Variants in CELF4 observed in about 807,000 individuals in gnomAD.
The protein encoded by CELF4 is CUGBP Elav-like family member 4.
CELF4 carries 18 observed loss-of-function variants against 59.9 expected under a neutral mutation model. The observed-to-expected ratio is 0.30, with a 90% CI of 0.21 to 0.45. The LOEUF (loss-of-function observed/expected upper bound fraction) is 0.45, where lower values mean the gene tolerates loss of function less well. Among genes scored for constraint, CELF4 ranks in the 20% least tolerant of loss-of-function variants. The probability of loss-of-function intolerance (pLI) is 1.00; values close to 1 mark genes in which losing one functional copy is unlikely to be tolerated. For synonymous variants in CELF4, 261 were observed against 267.1 expected (o/e 0.98, Z 0.22); for missense variants, 456 against 689.0 (o/e 0.66, Z 3.79).
At chr18:37,471,799 G>C (rs1020639338) in intron 2 of CELF4, among the ~76,000 whole-genome samples, 1 of 152,172 alleles carries the variant, frequency 6.6e-6, no homozygotes, top group Non-Finnish European at 1.5e-5. Context: ...GCTCCTGGTG[G>C]GTGCTCAGGA....
intron 3 of CELF4, among the ~76,000 whole-genome samples, chr18:37,309,967 A>G (rs1324644733): frequency 7.9e-5 from 12 of 151,170 alleles, no homozygotes; most frequent in Non-Finnish European, 1.8e-4. Flanking sequence ...CTGGCAATTC[A>G]CATGCTCAAT....
rs115857622 is a variant in CELF4, at chr18:37,401,703, G to A, written c.370-79822C>T. Among the ~76,000 whole-genome samples the A allele has an allele frequency of 4.2e-3, 645 of 152,314 alleles. 4 individuals are homozygous for A. The highest frequency in any genetic ancestry group is 0.014 in the African/African-American group (591 of 41,556). On this transcript the variant is annotated intron_variant, in intron 2 of 12. Coordinates refer to ENST00000420428, the MANE Select transcript of CELF4 (RefSeq NM_020180.4). Reference sequence around the variant, plus strand: ...CTGAGACTTCCCTGACACCAGCCATGAGCCAGAAATCCTTCAGCCTTTAGC... The same window carrying A: ...CTGAGACTTCCCTGACACCAGCCATAAGCCAGAAATCCTTCAGCCTTTAGC...
intron 2 of CELF4, among the ~76,000 whole-genome samples, chr18:37,324,331 G>A (rs985912533): frequency 3.9e-5 from 6 of 152,182 alleles, no homozygotes; most frequent in African/African-American, 1.2e-4. Context: ...AGTTATAAGA[G>A]TAGGGCCCTC....
Position 37,516,415 on chromosome 18 carries a change from T to C in CELF4, c.287-30808A>G, listed in dbSNP as rs181819374. ...GTCCTCACTAACTCTGCTGTCCCCA[T>C]GCCAACACTAGCCTGGCTCCTGGCC... is the stretch of plus-strand genomic sequence containing the variant. On this transcript the variant is annotated intron_variant, in intron 1 of 12. Transcript: ENST00000420428. Among the ~76,000 whole-genome samples the C allele has an allele frequency of 2.7e-3, 418 of 152,312 alleles. 3 individuals carry two copies. Among genetic ancestry groups the C allele is most frequent in the African/African-American group, 9.8e-3 (408 of 41,570 alleles).
chr18:37,324,451 G>A (rs2097229088), intron 2 of CELF4, among the ~76,000 whole-genome samples: 2 of 152,198 alleles, frequency 1.3e-5, no homozygotes, highest in Admixed American at 1.3e-4. Flanking sequence ...TTCAAGCCAG[G>A]AAGAGAGCCC....
chr18:37,563,635 G>T (rs188004171), intron 1 of CELF4, among the ~76,000 whole-genome samples: 7 of 151,960 alleles, frequency 4.6e-5, no homozygotes, highest in Non-Finnish European at 1.0e-4. Flanking sequence ...CTGCCTCCCC[G>T]TTCCACCTTT....
At chr18:37,261,787 T>C (rs77300042) in intron 10 of CELF4, among the ~76,000 whole-genome samples, 4,738 of 152,314 alleles carry the variant, frequency 0.031, 255 homozygotes, top group African/African-American at 0.11. Context: ...AGATGGCCTC[T>C]GGGGAATTCA....
At chr18:37,339,167 A>C (rs2097898128) in intron 2 of CELF4, among the ~76,000 whole-genome samples, 1 of 152,172 alleles carries the variant, frequency 6.6e-6, no homozygotes, top group Non-Finnish European at 1.5e-5. Context: ...TCTCCTGCAC[A>C]CCCCAAGTTA....
chr18:37,493,627 C>T (rs1003062167), intron 1 of CELF4, among the ~76,000 whole-genome samples: 4 of 150,978 alleles, frequency 2.6e-5, no homozygotes, highest in Non-Finnish European at 4.4e-5. Context: ...AGGAGCCATA[C>T]GTCTTCCTCA....
intron 9 of CELF4, chr18:37,266,292 A>G (rs902955920): frequency 8.3e-5 from 49 of 592,972 alleles, no homozygotes; most frequent in Non-Finnish European, 1.4e-4. Flanking sequence ...CAAGGGTGAA[A>G]CTTCCACCTG....
chr18:37,476,188 A>G (rs1052877470), intron 2 of CELF4, among the ~76,000 whole-genome samples: 2 of 152,240 alleles, frequency 1.3e-5, no homozygotes, highest in Non-Finnish European at 2.9e-5. Context: ...TAGGGAACTC[A>G]GACCTGGAAA....
At chr18:37,279,605 T>C (rs1339145485) in intron 3 of CELF4, among the ~76,000 whole-genome samples, 2 of 152,116 alleles carry the variant, frequency 1.3e-5, no homozygotes, top group African/African-American at 4.8e-5. Context: ...GCTTCTACAG[T>C]GGTAAACAAG....
At chr18:37,311,840 G>A (rs550718714) in intron 3 of CELF4, among the ~76,000 whole-genome samples, 5 of 148,130 alleles carry the variant, frequency 3.4e-5, no homozygotes, top group Admixed American at 2.0e-4. Flanking sequence ...GTCCGGGCGC[G>A]GTGGCTTATG....
intron 2 of CELF4, among the ~76,000 whole-genome samples, chr18:37,461,945 G>A (rs1490110233): frequency 6.6e-6 from 1 of 152,192 alleles, no homozygotes; most frequent in Admixed American, 6.5e-5. Context: ...AGGCATGATT[G>A]GGGGAAAATG....
chr18:37,558,661 AAAG>A (rs1374205079), intron 1 of CELF4, among the ~76,000 whole-genome samples: 1 of 151,920 alleles, frequency 6.6e-6, no homozygotes, highest in Non-Finnish European at 1.5e-5. Context: ...GCCTGCAGGA[AAAG>A]AAGAGGTGAA....
At chr18:37,397,464 G>A (rs1158824236) in intron 2 of CELF4, among the ~76,000 whole-genome samples, 1 of 152,174 alleles carries the variant, frequency 6.6e-6, no homozygotes, top group Admixed American at 6.5e-5. Flanking sequence ...GACCATCTGG[G>A]TAGCTCCAGG....
At chr18:37,507,367 CTG>C (rs1288713143) in intron 1 of CELF4, among the ~76,000 whole-genome samples, 1 of 152,198 alleles carries the variant, frequency 6.6e-6, no homozygotes, top group Non-Finnish European at 1.5e-5. Flanking sequence ...TCACCTCTCT[CTG>C]TGCATGTTCT....
chr18:37,321,565 TTTA>T (rs2097119268), intron 3 of CELF4, among the ~76,000 whole-genome samples: 1 of 152,130 alleles, frequency 6.6e-6, no homozygotes, highest in South Asian at 2.1e-4. Context: ...ATGGCACTTG[TTTA>T]CTCAGAGACG....
chr18:37,261,247 A>T (rs1189213245), intron 10 of CELF4, among the ~76,000 whole-genome samples: 2 of 26,066 alleles, frequency 7.7e-5, no homozygotes. Flanking sequence ...AGCCCCCCCC[A>T]CACCTCCCTT....
Sources: allele counts gnomAD v4.1 joint callset (sites outside exome capture counted in the v4.1 genomes callset), GRCh38; gene constraint gnomAD v4.1.1; transcripts MANE v1.5; gene names NCBI Gene and HGNC (gene_info 2026-07-23, HGNC 2026-07-21).